The following WDFY3 variants were observed in gnomAD, a reference collection of about 807,000 sequenced individuals.
The protein encoded by WDFY3 is WD repeat and FYVE domain-containing protein 3.
WDFY3 carries 66 observed loss-of-function variants against 409.6 expected under a neutral mutation model. That is an observed-to-expected ratio of 0.16 (90% CI 0.13 to 0.20). The LOEUF is 0.20. WDFY3 is among the 10% of genes least tolerant of loss of function. The probability of loss-of-function intolerance (pLI) is 1.00; values close to 1 mark genes in which losing one functional copy is unlikely to be tolerated. For missense variants in WDFY3, 3,031 were observed against 4,298.1 expected (o/e 0.71, Z 8.24); for synonymous variants, 1,521 against 1,537.1 (o/e 0.99, Z 0.25).
chr4:84,722,742 G>GT (rs993310093), intron 46 of WDFY3, among the ~76,000 whole-genome samples: 7 of 152,270 alleles, frequency 4.6e-5, no homozygotes, highest in African/African-American at 1.2e-4. Context: ...GCCATCCAAA[G>GT]TAACACTATA....
Position 84,756,961 on chromosome 4 carries a change from G to A in WDFY3, c.5389C>T (p.Pro1797Ser), listed in dbSNP as rs994296643. 1.2e-6 allele frequency: 2 copies of A among 1,613,882 alleles called. No individual in the cohort carries two copies. The highest frequency in any genetic ancestry group is 1.7e-6 in the Non-Finnish European group (2 of 1,179,944). ...ELPENLQVSV[P>S]VISCRSKQGC... is the part of the protein sequence containing the mutation. ...TGCTTACTCCGGCAGCTGATGACAG[G>A]CACACTGACCTGCAGGTTCTCAGGC... The change falls in exon 33 of 68, where the codon CCT (proline) becomes TCT (serine). Residue 1797 changes from proline (P) to serine (S), a missense_variant. Coordinates refer to ENST00000295888, the MANE Select transcript of WDFY3 (RefSeq NM_014991.6).
chr4:84,769,372 CATTGTTATAGCTAACTAT>C (rs1439146960), intron 30 of WDFY3, among the ~76,000 whole-genome samples: 5 of 152,026 alleles, frequency 3.3e-5, no homozygotes, highest in Admixed American at 1.3e-4. Flanking sequence ...AGGAAGAGTC[CATTGTTATAGCTAACTAT>C]ATTGTCTTTT....
In WDFY3 at chr4:84,966,654, T is replaced by A. The variant is rs991748866; in HGVS notation, c.-671A>T. 6.4e-6 allele frequency: 1 copy of A among 156,540 alleles called. No individual in the cohort carries two copies. Among genetic ancestry groups the A allele is most frequent in the African/African-American group, 2.4e-5 (1 of 41,440 alleles). The allele number at this position is 156,540 out of a possible 1,614,324, so 9.7% of individuals were successfully genotyped here. On this transcript the variant is annotated 5_prime_UTR_variant, in exon 1 of 68. Coordinates refer to ENST00000295888, the MANE Select transcript of WDFY3 (RefSeq NM_014991.6). Reference sequence around the variant, plus strand: ...TGTTGGTGGCCATCTTTAATCCTCCTCCTCCTCCTGCTTTCTCCACCTCCC... The same window carrying A: ...TGTTGGTGGCCATCTTTAATCCTCCACCTCCTCCTGCTTTCTCCACCTCCC...
Position 84,963,814 on chromosome 4 carries a change from T to C in WDFY3, c.-226+2395A>G, listed in dbSNP as rs974134011. Among the ~76,000 whole-genome samples the C allele has an allele frequency of 5.3e-5, 8 of 152,230 alleles. No homozygotes were observed. In the East Asian group the frequency reaches 1.5e-3, roughly 29 times the overall value. ...GTTGGCCCACCAGTGTTTGTATGAC[T>C]TTAAAACAACTTGTTCTATTTCCCC... is the stretch of plus-strand genomic sequence containing the variant. On this transcript the variant is annotated intron_variant, in intron 1 of 67. Coordinates refer to ENST00000295888, the MANE Select transcript of WDFY3 (RefSeq NM_014991.6).
At chr4:84,709,621 A>G (rs565784280) in intron 51 of WDFY3, among the ~76,000 whole-genome samples, 2 of 152,368 alleles carry the variant, frequency 1.3e-5, no homozygotes, top group East Asian at 3.9e-4. Context: ...TTGAGTATTT[A>G]TAACTCCATT....
intron 2 of WDFY3, among the ~76,000 whole-genome samples, chr4:84,909,547 A>G (rs542554611): frequency 6.6e-6 from 1 of 152,266 alleles, no homozygotes; most frequent in East Asian, 1.9e-4. Context: ...AGATACTTGT[A>G]ACATAAAAAT....
intron 3 of WDFY3, among the ~76,000 whole-genome samples, chr4:84,889,939 A>G (rs1421393591): frequency 1.3e-5 from 2 of 152,164 alleles, no homozygotes; most frequent in African/African-American, 4.8e-5. Flanking sequence ...TATGATAAAT[A>G]TGGTGGGGAT....
chr4:84,801,386 G>A lies in WDFY3; in HGVS notation c.2822+264C>T, dbSNP rs534569994. ...AAAAGTTATTAAATATAAAGTAAACGCATGACTTCATTTTTAAAGGAAAGT... is the reference window on the plus strand; with the variant it reads ...AAAAGTTATTAAATATAAAGTAAACACATGACTTCATTTTTAAAGGAAAGT... On this transcript the variant is annotated intron_variant, in intron 17 of 67. Transcript: ENST00000295888. 2.6e-5 allele frequency among the ~76,000 whole-genome samples: 4 copies of A among 152,098 alleles called. No homozygotes were observed. In the South Asian group the frequency reaches 6.3e-4, roughly 24 times the overall value.
At chr4:84,739,704 G>C (rs1738067623) in intron 39 of WDFY3, among the ~76,000 whole-genome samples, 1 of 152,154 alleles carries the variant, frequency 6.6e-6, no homozygotes, top group Non-Finnish European at 1.5e-5. Flanking sequence ...ACAGCTGACT[G>C]GTCTTGCTTA....
At chr4:84,928,831 G>A (rs561619923) in intron 2 of WDFY3, among the ~76,000 whole-genome samples, 16 of 152,184 alleles carry the variant, frequency 1.1e-4, no homozygotes, top group African/African-American at 2.4e-4. Context: ...ATAACGTAGC[G>A]AAGTGAAAAG....
At chr4:84,879,372 C>G (rs940156308) in intron 3 of WDFY3, 2 of 152,140 alleles carry the variant, frequency 1.3e-5, no homozygotes, top group African/African-American at 4.8e-5. Context: ...ATCATTGATT[C>G]AAAGAAATAT....
At chr4:84,820,370 T>A (rs1448013564) in intron 11 of WDFY3, among the ~76,000 whole-genome samples, 184 bp from the exon 12 acceptor site, 1 of 152,066 alleles carries the variant, frequency 6.6e-6, no homozygotes, top group Non-Finnish European at 1.5e-5. Context: ...TCAAAATCAA[T>A]ATTAACAGAT....
intron 2 of WDFY3, among the ~76,000 whole-genome samples, chr4:84,927,780 C>T (rs1770199572): frequency 6.6e-6 from 1 of 152,172 alleles, no homozygotes; most frequent in Admixed American, 6.5e-5. Context: ...CCTGAGGCCT[C>T]CCCAGCCATG....
rs746075074 is a variant in WDFY3 at position 84,736,281 on chromosome 4, G to T, written c.6804C>A (p.Thr2268=). The part of the protein sequence containing the change: ...CISRGEALAP[T]TQSKLSRVSS... ...TGACACGGGATAATTTGGACTGTGT[G>T]GTGGGCGCTAAAGCTTCTCCTCGAC... The change falls in exon 42 of 68, where the codon ACC becomes ACA. Residue 2268 remains threonine, a synonymous_variant. Coordinates refer to ENST00000295888, the MANE Select transcript of WDFY3 (RefSeq NM_014991.6). 5.6e-6 allele frequency: 9 copies of T among 1,611,604 alleles called. No homozygotes were observed. In the East Asian group the frequency reaches 2.0e-4, roughly 36 times the overall value.
At chr4:84,868,256 C>A in intron 3 of WDFY3, among the ~76,000 whole-genome samples, 1 of 133,746 alleles carries the variant, frequency 7.5e-6, no homozygotes, top group East Asian at 2.6e-4. Flanking sequence ...TCTTCTTAAT[C>A]TTTCTGGAAA....
Position 84,740,389 on chromosome 4 carries a change from G to T in WDFY3, c.6262C>A (p.Leu2088Met). 1 of 1,614,126 alleles carries T rather than the reference G, an allele frequency of 6.2e-7. No homozygotes were observed. The highest frequency in any genetic ancestry group is 8.5e-7 in the Non-Finnish European group (1 of 1,180,026). The change falls in exon 39 of 68, where the codon CTG becomes ATG. Residue 2088 changes from leucine to methionine, a missense_variant. Leu to Met is a conservative substitution (Grantham distance 15). Around this residue, in one of 16 missense-constraint regions of WDFY3, gnomAD observed 314 missense variants for 397.4 expected, o/e 0.79. Coordinates refer to ENST00000295888, the MANE Select transcript of WDFY3 (RefSeq NM_014991.6). The part of the protein sequence containing the change: ...QSKRRSQGLS[L>M]DAVYHCLNRT... ...TTGAGGCAATGATACACTGCATCCA[G>T]TGACAATCCCTGTGATCTTCTCTTT...
intron 2 of WDFY3, among the ~76,000 whole-genome samples, chr4:84,897,992 C>T (rs184379544): frequency 7.2e-4 from 110 of 152,306 alleles, no homozygotes; most frequent in African/African-American, 2.5e-3. Context: ...AAATTCCTAA[C>T]AATGACATTC....
chr4:84,856,065 A>C lies in WDFY3; in HGVS notation c.180+4347T>G, dbSNP rs538937782. 3.9e-5 allele frequency among the ~76,000 whole-genome samples: 6 copies of C among 152,336 alleles called. 1 individual carries two copies. Among genetic ancestry groups the C allele is most frequent in the African/African-American group, 1.4e-4 (6 of 41,594 alleles). ...GACCCAAGCCACATTCTCCAGTATC[A>C]ACTGTATTGGTATTATGTAATAAGT... On this transcript the variant is annotated intron_variant, in intron 4 of 67. Transcript: ENST00000295888.
intron 2 of WDFY3, among the ~76,000 whole-genome samples, chr4:84,924,400 G>C (rs1472081426): frequency 6.6e-6 from 1 of 152,124 alleles, no homozygotes; most frequent in African/African-American, 2.4e-5. Flanking sequence ...TTCACATTTA[G>C]TTGACCATTT....
Sources: allele counts gnomAD v4.1 joint callset (sites outside exome capture counted in the v4.1 genomes callset), GRCh38; gene constraint gnomAD v4.1.1; regional missense constraint gnomAD v4.1.1; transcripts MANE v1.5; gene names NCBI Gene and HGNC (gene_info 2026-07-23, HGNC 2026-07-21).